Variants in STPG2 observed in about 807,000 individuals in gnomAD.
STPG2 encodes the protein sperm-tail PG-rich repeat-containing protein 2.
In STPG2, 56 loss-of-function variants were observed where a neutral mutation model predicts 54.2. The ratio of observed to expected loss-of-function variants is 1.03; its 90% CI spans 0.83 to 1.29. The LOEUF (loss-of-function observed/expected upper bound fraction) is 1.29. Among genes scored for constraint, STPG2 ranks in the 50% most tolerant of loss-of-function variants. The probability of loss-of-function intolerance (pLI) is 0.00; values close to 1 mark genes in which losing one functional copy is unlikely to be tolerated. For missense variants in STPG2, 596 were observed against 544.9 expected (o/e 1.09, Z -0.93); for synonymous variants, 200 against 181.8 (o/e 1.10, Z -0.81).
intron 9 of STPG2, among the ~76,000 whole-genome samples, chr4:97,747,148 A>G (rs1725442201): frequency 1.3e-5 from 2 of 151,500 alleles, no homozygotes; most frequent in African/African-American, 4.8e-5. Context: ...TCTAATCTCT[A>G]TAGTGGAGAC....
chr4:97,961,775 C>A (rs1733899609), intron 7 of STPG2, among the ~76,000 whole-genome samples: 1 of 152,170 alleles, frequency 6.6e-6, no homozygotes, highest in African/African-American at 2.4e-5. Flanking sequence ...TAAACTAGTA[C>A]AACCACTATG....
At chr4:98,032,421 T>A (rs958073443) in intron 5 of STPG2, among the ~76,000 whole-genome samples, 2 of 151,982 alleles carry the variant, frequency 1.3e-5, no homozygotes, top group African/African-American at 2.4e-5. Context: ...AAATAAAAAA[T>A]TTTAAAAATC....
intron 4 of STPG2, among the ~76,000 whole-genome samples, chr4:97,510,390 A>T (rs1371412856): frequency 1.3e-5 from 2 of 152,152 alleles, no homozygotes; most frequent in African/African-American, 4.8e-5. Flanking sequence ...AGGAAAAGGA[A>T]GTAAAAGTGT....
chr4:97,623,443 G>T (rs949903275), intron 10 of STPG2, among the ~76,000 whole-genome samples: 2 of 151,918 alleles, frequency 1.3e-5, no homozygotes, highest in East Asian at 1.9e-4. Flanking sequence ...GTGGGCAAAG[G>T]TCATGAACAT....
chr4:97,903,093 G>A (rs779496564), intron 8 of STPG2, among the ~76,000 whole-genome samples: 3 of 152,012 alleles, frequency 2.0e-5, no homozygotes, highest in Non-Finnish European at 2.9e-5. Context: ...GTGGTCAAAG[G>A]GTTCAAACTC....
At chr4:97,848,454 T>G (rs1729036573) in intron 8 of STPG2, among the ~76,000 whole-genome samples, 1 of 152,058 alleles carries the variant, frequency 6.6e-6, no homozygotes, top group African/African-American at 2.4e-5. Context: ...TCTCTCAAAT[T>G]AGTGAAAAAT....
intron 4 of STPG2, among the ~76,000 whole-genome samples, chr4:97,456,823 G>A (rs1729534300): frequency 6.8e-6 from 1 of 147,176 alleles, no homozygotes; most frequent in African/African-American, 2.6e-5. Context: ...GTGAATCCAG[G>A]AGTTGGAGCT....
At chr4:97,698,801 T>C (rs1365698487) in intron 10 of STPG2, among the ~76,000 whole-genome samples, 1 of 152,156 alleles carries the variant, frequency 6.6e-6, no homozygotes, top group African/African-American at 2.4e-5. Flanking sequence ...CATTCCACTA[T>C]TCTATCAATC....
intron 4 of STPG2, among the ~76,000 whole-genome samples, chr4:97,537,726 G>C (rs1195353554): frequency 6.6e-6 from 1 of 152,208 alleles, no homozygotes; most frequent in African/African-American, 2.4e-5. Context: ...CTTGAGATCT[G>C]AGAATGGACA....
chr4:97,584,154 T>C (rs1560672305), intron 10 of STPG2, among the ~76,000 whole-genome samples: 1 of 151,918 alleles, frequency 6.6e-6, no homozygotes, highest in Non-Finnish European at 1.5e-5. Context: ...TCAATAAATT[T>C]AAGAAAATCA....
intron 10 of STPG2, among the ~76,000 whole-genome samples, chr4:97,649,320 A>C (rs923486058): frequency 5.3e-5 from 8 of 152,142 alleles, no homozygotes; most frequent in Admixed American, 2.0e-4. Flanking sequence ...ATTAACATTT[A>C]ATGGGAAAAA....
chr4:97,851,115 C>T (rs950483395), intron 8 of STPG2, among the ~76,000 whole-genome samples: 4 of 152,114 alleles, frequency 2.6e-5, no homozygotes, highest in African/African-American at 7.2e-5. Flanking sequence ...ATACACAGCT[C>T]TTAAGTTTGT....
chr4:97,948,450 C>A (rs1046071442), intron 7 of STPG2, among the ~76,000 whole-genome samples: 1 of 151,836 alleles, frequency 6.6e-6, no homozygotes, highest in Non-Finnish European at 1.5e-5. Flanking sequence ...TACTTCTTTT[C>A]TTCTAGATTT....
chr4:97,832,373 A>G (rs1728495320), intron 9 of STPG2, among the ~76,000 whole-genome samples: 1 of 152,208 alleles, frequency 6.6e-6, no homozygotes, highest in Non-Finnish European at 1.5e-5. Context: ...TCTCAAAATT[A>G]TAAGAGCTCT....
At chr4:97,562,883 G>A (rs1732298451) in intron 10 of STPG2, among the ~76,000 whole-genome samples, 1 of 152,096 alleles carries the variant, frequency 6.6e-6, no homozygotes, top group East Asian at 1.9e-4. Context: ...TGTTCATCAA[G>A]GATATTGGTC....
In STPG2 at chr4:97,708,195, A is replaced by G. The variant is rs181351926; in HGVS notation, c.1320+4504T>C. Among the ~76,000 whole-genome samples, 191 of 151,944 alleles carry G rather than the reference A, an allele frequency of 1.3e-3. 5 individuals carry two copies. The East Asian group carries it at 0.036, about 29-fold the overall frequency. On this transcript the variant is annotated intron_variant, in intron 10 of 10. Transcript: ENST00000295268. The stretch of plus-strand genomic sequence containing the variant: ...AAAAACACAACTAAAGCAATGTGGG[A>G]ATGTTTTTTTAAAATATTACCACTT...
chr4:97,983,149 C>T (rs1199977575), intron 5 of STPG2, among the ~76,000 whole-genome samples: 2 of 152,164 alleles, frequency 1.3e-5, no homozygotes, highest in Non-Finnish European at 2.9e-5. Context: ...TCTTCTTCCT[C>T]CTCCTAGTCT....
chr4:97,935,761 G>C (rs181241220), intron 8 of STPG2, among the ~76,000 whole-genome samples: 45 of 152,212 alleles, frequency 3.0e-4, no homozygotes, highest in Non-Finnish European at 5.0e-4. Context: ...TATGATTTCT[G>C]TTCTTTTGCA....
intron 10 of STPG2, among the ~76,000 whole-genome samples, chr4:97,619,829 T>A (rs1360512567): frequency 6.7e-6 from 1 of 150,202 alleles, no homozygotes; most frequent in East Asian, 1.9e-4. Flanking sequence ...TTTCTATTTT[T>A]TTTTTTTTTT....
Sources: gnomAD v4.1 joint callset for allele counts (sites outside exome capture counted in the v4.1 genomes callset) on GRCh38, gnomAD v4.1.1 for gene constraint, MANE v1.5 for transcripts, NCBI Gene and HGNC (gene_info 2026-07-23, HGNC 2026-07-21) for gene names.